Variants in ZNF841 observed in about 807,000 individuals in gnomAD.
ZNF841 encodes TCONS_00006091.
A neutral mutation model predicts 13.0 loss-of-function variants in ZNF841; 11 were observed. The observed-to-expected ratio is 0.85, with a 90% confidence interval of 0.53 to 1.40. ZNF841 has a LOEUF of 1.40. Ranked by LOEUF, ZNF841 falls within the 40% of genes most tolerant of loss-of-function variation. The pLI is 0.00. For synonymous variants in ZNF841, 369 were observed against 381.6 expected (o/e 0.97, Z 0.38); for missense variants, 1,068 against 1,139.5 (o/e 0.94, Z 0.90).
At chr19:52,075,972 C>A in intron 6 of ZNF841, 72 bp downstream of exon 6, 1 of 1,510,146 alleles carries the variant, frequency 6.6e-7, no homozygotes, top group Admixed American at 2.2e-5. Flanking sequence ...CCCCACAGAA[C>A]TCTCCCACTT....
intron 4 of ZNF841, 35 bp downstream of exon 4, chr19:52,084,752 G>C (rs761208511): frequency 2.5e-6 from 4 of 1,609,708 alleles, no homozygotes; most frequent in Non-Finnish European, 3.4e-6. Flanking sequence ...CAAAAAGGGA[G>C]GAGACAGAAC....
downstream of ZNF841, among the ~76,000 whole-genome samples, chr19:52,059,819 T>C (rs1241784714): frequency 6.6e-6 from 1 of 152,198 alleles, no homozygotes; most frequent in African/African-American, 2.4e-5. Context: ...GACCAGAGAC[T>C]ACTCCCTTTG....
intron 2 of ZNF841, among the ~76,000 whole-genome samples, chr19:52,090,651 G>GA (rs1475648913): frequency 0.021 from 2,534 of 118,370 alleles, 35 homozygotes; most frequent in Non-Finnish European, 0.023. Flanking sequence ...AGGAAGGAAG[G>GA]AAGGAAAGAA....
rs1384367414 is a variant in ZNF841, at chr19:52,066,952, G to C, written c.930C>G (p.Val310=). 3 of 1,613,994 alleles carry C rather than the reference G, an allele frequency of 1.9e-6. No homozygotes were observed. In the African/African-American group the frequency reaches 4.0e-5, roughly 22 times the overall value. Residue 310 remains valine, a synonymous_variant, in exon 7 of 7, where the codon GTC becomes GTG. Transcript: ENST00000594440. ...RGSLLTVHQI[V]HTRGKPYQCD... ...ATTGGTATGGTTTCCCTCTTGTATG[G>C]ACTATCTGATGTACTGTTAGTAGTG... is the stretch of plus-strand genomic sequence containing the variant.
At chr19:52,091,542 T>A (rs1305574822) in intron 2 of ZNF841, among the ~76,000 whole-genome samples, 2 of 152,066 alleles carry the variant, frequency 1.3e-5, no homozygotes, top group Non-Finnish European at 2.9e-5. Flanking sequence ...CATGCACATA[T>A]ACAACTAGCC....
chr19:52,070,077 C>A (rs2087696488), intron 6 of ZNF841, among the ~76,000 whole-genome samples: 1 of 152,118 alleles, frequency 6.6e-6, no homozygotes, highest in Admixed American at 6.6e-5. Context: ...TGTATCTATA[C>A]CCAATTTACA....
At chr19:52,063,389 AC>A (rs1268990840), downstream of ZNF841, among the ~76,000 whole-genome samples, 1 of 151,654 alleles carries the variant, frequency 6.6e-6, no homozygotes, top group African/African-American at 2.4e-5. Context: ...CACTCTTGTC[AC>A]CCAGGCTGGA....
intron 1 of ZNF841, among the ~76,000 whole-genome samples, chr19:52,094,337 C>T (rs967553630): frequency 3.9e-5 from 6 of 152,182 alleles, no homozygotes; most frequent in African/African-American, 1.2e-4. Context: ...TCAACTGTCA[C>T]GCATCTGGAT....
chr19:52,061,799 G>C (rs1409978290), downstream of ZNF841, among the ~76,000 whole-genome samples: 1 of 152,114 alleles, frequency 6.6e-6, no homozygotes, highest in East Asian at 1.9e-4. Context: ...GCCCAGCTCG[G>C]CCTCCCAAAG....
chr19:52,072,118 A>G (rs548075576), intron 6 of ZNF841, among the ~76,000 whole-genome samples: 15 of 152,242 alleles, frequency 9.9e-5, no homozygotes, highest in African/African-American at 1.4e-4. Flanking sequence ...GGCATTATAT[A>G]ATGATTAAAA....
intron 3 of ZNF841, 81 bp from the exon 4 acceptor site, chr19:52,084,959 C>T: frequency 4.0e-6 from 3 of 745,874 alleles, no homozygotes; most frequent in Non-Finnish European, 6.4e-6. Flanking sequence ...CAGGGAAGGC[C>T]TCAGCATGTG....
At chr19:52,092,488 A>G (rs981906057) in intron 2 of ZNF841, among the ~76,000 whole-genome samples, 2 of 152,220 alleles carry the variant, frequency 1.3e-5, no homozygotes, top group Non-Finnish European at 2.9e-5. Context: ...TAGGCAAGAG[A>G]TAACAGGTGT....
At chr19:52,071,352 C>T (rs866379040) in intron 6 of ZNF841, among the ~76,000 whole-genome samples, 8 of 151,910 alleles carry the variant, frequency 5.3e-5, no homozygotes, top group South Asian at 2.1e-4. Flanking sequence ...AAAATGGCCA[C>T]GAAGAGGAGA....
At chr19:52,073,147 A>C (rs1280908474) in intron 6 of ZNF841, among the ~76,000 whole-genome samples, 2 of 152,204 alleles carry the variant, frequency 1.3e-5, no homozygotes, top group Admixed American at 1.3e-4. Flanking sequence ...GGCTAGCCAT[A>C]TATAGAAGAA....
At chr19:52,071,409 C>G (rs2087734763) in intron 6 of ZNF841, among the ~76,000 whole-genome samples, 1 of 152,070 alleles carries the variant, frequency 6.6e-6, no homozygotes, top group Admixed American at 6.6e-5. Flanking sequence ...CAAAACTTTA[C>G]TGATAGTACA....
Position 52,067,231 on chromosome 19 carries a change from A to C in ZNF841, c.651T>G (p.Cys217Trp), listed in dbSNP as rs2087606684. 1.3e-6 allele frequency: 2 copies of C among 1,549,058 alleles called. No individual in the cohort carries two copies. The highest frequency in any genetic ancestry group is 2.4e-5 in the South Asian group (2 of 83,242). Residue 217 changes from cysteine (C) to tryptophan (W), a missense_variant, in exon 7 of 7, where the codon TGT becomes TGG. By Grantham distance (215) the Cys-to-Trp change is radical. Transcript: ENST00000594440. ...TTCTTTGAAGTGGTGAAGCTAAAAA[A>C]CAATTATTAACTGTCCTCTCAATTT... ...CNQIERTVNNCFLASPLQRIF... is the reference protein window; with the variant it reads ...CNQIERTVNNWFLASPLQRIF...
chr19:52,078,564 T>A (rs1397154433), intron 4 of ZNF841, among the ~76,000 whole-genome samples: 1 of 151,894 alleles, frequency 6.6e-6, no homozygotes, highest in African/African-American at 2.4e-5. Context: ...CCGGGTGTGG[T>A]GGCCGGCGCC....
chr19:52,078,180 C>A (rs1187664271), intron 4 of ZNF841, among the ~76,000 whole-genome samples: 1 of 152,006 alleles, frequency 6.6e-6, no homozygotes, highest in Non-Finnish European at 1.5e-5. Context: ...GTCCCAGCTA[C>A]TGGGGAGGCT....
intron 4 of ZNF841, among the ~76,000 whole-genome samples, chr19:52,083,422 CT>C (rs1389090616): frequency 3.6e-5 from 5 of 137,920 alleles, no homozygotes; most frequent in African/African-American, 1.4e-4. Context: ...ATGTCCCACT[CT>C]TTAAAAAAAA....
Sources: gnomAD v4.1 joint callset for allele counts (sites outside exome capture counted in the v4.1 genomes callset) on GRCh38, gnomAD v4.1.1 for gene constraint, MANE v1.5 for transcripts, NCBI Gene and HGNC (gene_info 2026-07-23, HGNC 2026-07-21) for gene names.